The following PDZK1 variants were observed in gnomAD, a reference collection of about 807,000 sequenced individuals.
PDZK1 encodes PDZ domain containing 1, also known as Na(+)/H(+) exchange regulatory cofactor NHE-RF3.
PDZK1 carries 23 observed loss-of-function variants against 38.1 expected under a neutral mutation model. The ratio of observed to expected loss-of-function variants is 0.60; its 90% CI spans 0.43 to 0.85. PDZK1 has a LOEUF of 0.85. Among genes scored for constraint, PDZK1 ranks in the 40% least tolerant of loss-of-function variants. PDZK1 has a pLI of 0.00. For missense variants in PDZK1, 297 were observed against 504.3 expected (o/e 0.59, Z 3.94); for synonymous variants, 98 against 186.2 (o/e 0.53, Z 3.86).
At chr1:145,706,298 C>T (rs1380746921) in intron 1 of PDZK1, among the ~76,000 whole-genome samples, 1 of 152,182 alleles carries the variant, frequency 6.6e-6, no homozygotes, top group Non-Finnish European at 1.5e-5. Flanking sequence ...CAACTTCACA[C>T]CCTATGGTGC....
At chr1:145,693,691 G>A (rs1232922282) in intron 1 of PDZK1, among the ~76,000 whole-genome samples, 4 of 151,714 alleles carry the variant, frequency 2.6e-5, no homozygotes, top group Admixed American at 1.3e-4. Context: ...GGAGAATGGC[G>A]TGAACCCGGA....
chr1:145,689,580 CAG>C lies in PDZK1; in HGVS notation c.-2-1559_-2-1558del, dbSNP rs200176022. On this transcript the variant is annotated intron_variant, in intron 1 of 8. Coordinates refer to ENST00000417171, the MANE Select transcript of PDZK1 (RefSeq NM_001201325.2). The stretch of plus-strand genomic sequence containing the variant: ...TTTTTCTTTTATAGGAGAATAAGAA[CAG>C]GGGCCAGAACAGCAAGAGGCTGATA... 5.6e-4 allele frequency among the ~76,000 whole-genome samples: 85 copies of C among 152,288 alleles called. No individual in the cohort carries two copies. The East Asian group carries it at 0.014, about 25-fold the overall frequency.
At chr1:145,679,040 C>T (rs1553699812) in intron 5 of PDZK1, among the ~76,000 whole-genome samples, 1 of 151,650 alleles carries the variant, frequency 6.6e-6, no homozygotes, top group Non-Finnish European at 1.5e-5. Flanking sequence ...GAACAAAACC[C>T]AAAACTTTGG....
At chr1:145,687,509 A>G (rs1654885727) in intron 2 of PDZK1, among the ~76,000 whole-genome samples, 1 of 135,582 alleles carries the variant, frequency 7.4e-6, no homozygotes, top group Non-Finnish European at 1.5e-5. Context: ...TGGGTGAAAG[A>G]GCGAAACTCC....
rs1469878933 is a variant in PDZK1, at chr1:145,702,030, G to A, written c.-3+5287C>T. 2.0e-5 allele frequency among the ~76,000 whole-genome samples: 3 copies of A among 152,192 alleles called. No individual in the cohort carries two copies. The South Asian group carries it at 6.2e-4, about 32-fold the overall frequency. The stretch of plus-strand genomic sequence containing the variant: ...CCTAGTGTACTTTCCCATTGTGATA[G>A]TTACTGTTTGGTCTTAGCCAGGGAT... On this transcript the variant is annotated intron_variant, in intron 1 of 8. Transcript: ENST00000417171.
chr1:145,705,829 T>C (rs1571651010), intron 1 of PDZK1, among the ~76,000 whole-genome samples: 1 of 152,234 alleles, frequency 6.6e-6, no homozygotes. Flanking sequence ...CGGCTCACTG[T>C]AGCCTCGACC....
chr1:145,701,022 T>C (rs1655926440), intron 1 of PDZK1, among the ~76,000 whole-genome samples: 1 of 152,008 alleles, frequency 6.6e-6, no homozygotes, highest in Non-Finnish European at 1.5e-5. Context: ...CTGACCAATA[T>C]GGTGAAACCC....
In PDZK1 at chr1:145,672,763, C is replaced by T. The variant is rs782427643; in HGVS notation, c.1473G>A (p.Glu491=). Residue 491 remains glutamate, a synonymous_variant, in exon 8 of 9, where the codon GAG becomes GAA. Transcript: ENST00000417171. The part of the protein sequence containing the change: ...PPDSKEGIVV[E]SNHDSHMAKE... ...TTGCCATGTGCGAGTCATGGTTTGA[C>T]TCCACCACTATTCCTTCTTTAGAAT... The T allele has an allele frequency of 4.3e-6, 7 of 1,611,932 alleles. No homozygotes were observed. In the Admixed American group the frequency reaches 5.0e-5, roughly 12 times the overall value.
chr1:145,692,351 C>T (rs1413230384), intron 1 of PDZK1, among the ~76,000 whole-genome samples: 1 of 152,198 alleles, frequency 6.6e-6, no homozygotes, highest in African/African-American at 2.4e-5. Context: ...AGCTGGAAGT[C>T]TGAGCTGGGA....
chr1:145,684,207 CTTT>C (rs1162290584), intron 3 of PDZK1, among the ~76,000 whole-genome samples: 4 of 120,090 alleles, frequency 3.3e-5, no homozygotes, highest in Non-Finnish European at 5.2e-5. Flanking sequence ...GCATTTTTGG[CTTT>C]TTTTTTTTTT....
At chr1:145,697,850 C>A (rs1031302910) in intron 1 of PDZK1, among the ~76,000 whole-genome samples, 12 of 136,780 alleles carry the variant, frequency 8.8e-5, no homozygotes, top group Non-Finnish European at 1.5e-5. Context: ...AAACTCCTGA[C>A]CTTGTGGTCC....
At chr1:145,700,217 A>G (rs1553704782) in intron 1 of PDZK1, among the ~76,000 whole-genome samples, 1 of 152,156 alleles carries the variant, frequency 6.6e-6, no homozygotes, top group African/African-American at 2.4e-5. Context: ...AGGGCTGGAG[A>G]TTTTGTTCCC....
chr1:145,695,972 T>G (rs1450298162), intron 1 of PDZK1, among the ~76,000 whole-genome samples: 1 of 152,164 alleles, frequency 6.6e-6, no homozygotes, highest in African/African-American at 2.4e-5. Context: ...CCATGACAAG[T>G]GTCCAGGAGG....
intron 1 of PDZK1, among the ~76,000 whole-genome samples, chr1:145,700,982 A>G (rs2101934785): frequency 6.6e-6 from 1 of 152,268 alleles, no homozygotes; most frequent in African/African-American, 2.4e-5. Flanking sequence ...AGACAGGAGG[A>G]TCACCTGAGG....
intron 5 of PDZK1, among the ~76,000 whole-genome samples, chr1:145,678,879 T>TA (rs1414357054): frequency 2.0e-5 from 3 of 148,954 alleles, no homozygotes; most frequent in African/African-American, 7.4e-5. Flanking sequence ...GAAGGGGTCT[T>TA]AACGAAAATA....
At chr1:145,672,579 T>G in intron 8 of PDZK1, 151 bp downstream of exon 8, 1 of 911,634 alleles carries the variant, frequency 1.1e-6, no homozygotes, top group Non-Finnish European at 1.7e-6. Flanking sequence ...CCTCCTGTCC[T>G]CTACAATAAC....
At chr1:145,692,277 G>A (rs1026718434) in intron 1 of PDZK1, among the ~76,000 whole-genome samples, 5 of 152,136 alleles carry the variant, frequency 3.3e-5, no homozygotes, top group South Asian at 2.1e-4. Flanking sequence ...GGCCCCAGAC[G>A]GCCATCAACA....
At chr1:145,697,372 GA>G (rs1418074589) in intron 1 of PDZK1, among the ~76,000 whole-genome samples, 2 of 151,544 alleles carry the variant, frequency 1.3e-5, no homozygotes, top group African/African-American at 4.9e-5. Flanking sequence ...GAGAAAGAGA[GA>G]AAAGAAAGAG....
chr1:145,694,821 C>T (rs1335624342), intron 1 of PDZK1, among the ~76,000 whole-genome samples: 10 of 139,536 alleles, frequency 7.2e-5, no homozygotes, highest in African/African-American at 1.1e-4. Flanking sequence ...CGCTTGAACC[C>T]GGGAGGTGGA....
Sources: allele counts gnomAD v4.1 joint callset (sites outside exome capture counted in the v4.1 genomes callset), GRCh38; gene constraint gnomAD v4.1.1; transcripts MANE v1.5; gene names NCBI Gene and HGNC (gene_info 2026-07-23, HGNC 2026-07-21).